The following SPMIP7 variants were observed in gnomAD, a reference collection of about 807,000 sequenced individuals.
SPMIP7 encodes protein SPMIP7.
chr7:50,124,813 T>G, the SPMIP7 span, among the ~76,000 whole-genome samples: 1 of 151,960 alleles, frequency 6.6e-6, no homozygotes, highest in Admixed American at 6.6e-5. Context: ...ATTAAGAAAC[T>G]AGAGGCTGGG....
At chr7:50,135,702 T>C in the SPMIP7 span, among the ~76,000 whole-genome samples, 1 of 152,162 alleles carries the variant, frequency 6.6e-6, no homozygotes, top group East Asian at 1.9e-4. Context: ...TTGGGCCAGA[T>C]GATATTCAAA....
At chr7:50,154,271 A>T in the SPMIP7 span, among the ~76,000 whole-genome samples, 1 of 152,130 alleles carries the variant, frequency 6.6e-6, no homozygotes, top group Admixed American at 6.5e-5. Context: ...CTACTCAGTT[A>T]GCAAAAATCC....
chr7:50,103,965 C>T, the SPMIP7 span, among the ~76,000 whole-genome samples: 1 of 152,152 alleles, frequency 6.6e-6, no homozygotes, highest in Non-Finnish European at 1.5e-5. Context: ...TTTAGGACTT[C>T]TAATCTATCA....
chr7:50,099,254 A>G, the SPMIP7 span, among the ~76,000 whole-genome samples: 3 of 152,132 alleles, frequency 2.0e-5, no homozygotes, highest in Non-Finnish European at 4.4e-5. Flanking sequence ...TGGATGTCCT[A>G]TTCATCATTA....
chr7:50,110,365 C>T, the SPMIP7 span, among the ~76,000 whole-genome samples: 1 of 149,196 alleles, frequency 6.7e-6, no homozygotes, highest in African/African-American at 2.4e-5. Context: ...TAGATTACAA[C>T]AGGAGTTCTT....
chr7:50,106,776 A>G, the SPMIP7 span, among the ~76,000 whole-genome samples: 1 of 152,158 alleles, frequency 6.6e-6, no homozygotes, highest in Non-Finnish European at 1.5e-5. Context: ...CAATTTTTGT[A>G]AAAAAATTAT....
chr7:50,135,460 C>G, the SPMIP7 span, among the ~76,000 whole-genome samples: 2 of 151,988 alleles, frequency 1.3e-5, no homozygotes, highest in Admixed American at 1.3e-4. Context: ...ATTTATTCAG[C>G]TTTTACAGAG....
the SPMIP7 span, among the ~76,000 whole-genome samples, chr7:50,124,086 G>A: frequency 6.6e-6 from 1 of 152,078 alleles, no homozygotes; most frequent in Admixed American, 6.6e-5. Flanking sequence ...GGCTGTAGTG[G>A]CTATTTTGAG....
the SPMIP7 span, among the ~76,000 whole-genome samples, chr7:50,128,248 C>T: frequency 0.52 from 79,011 of 151,672 alleles, 21,539 homozygotes; most frequent in East Asian, 0.73. Flanking sequence ...CACTGATATA[C>T]GAAAGCTAAA....
chr7:50,106,873 G>A, the SPMIP7 span, among the ~76,000 whole-genome samples: 2 of 152,196 alleles, frequency 1.3e-5, no homozygotes, highest in African/African-American at 4.8e-5. Flanking sequence ...GGAGGCCAAG[G>A]CAGGATCACT....
the SPMIP7 span, among the ~76,000 whole-genome samples, chr7:50,156,193 C>A: frequency 6.6e-6 from 1 of 152,294 alleles, no homozygotes; most frequent in Non-Finnish European, 1.5e-5. Context: ...GAAAATTGGG[C>A]CTTCCAGGCT....
chr7:50,103,710 A>G, the SPMIP7 span, among the ~76,000 whole-genome samples: 1 of 152,140 alleles, frequency 6.6e-6, no homozygotes, highest in Non-Finnish European at 1.5e-5. Context: ...GATGTCCCTA[A>G]GCCCTGACAA....
the SPMIP7 span, among the ~76,000 whole-genome samples, chr7:50,156,921 C>A: frequency 8.5e-5 from 13 of 152,146 alleles, no homozygotes; most frequent in African/African-American, 3.1e-4. Context: ...AACAGCTAAT[C>A]TCCCGTGCCT....
At chr7:50,158,015 C>T in the SPMIP7 span, among the ~76,000 whole-genome samples, 1 of 152,220 alleles carries the variant, frequency 6.6e-6, no homozygotes, top group African/African-American at 2.4e-5. Context: ...GAACAGTCAA[C>T]TTAAATACAC....
At chr7:50,096,292 T>TTATCCCCC in the SPMIP7 span, 1 of 1,551,890 alleles carries the variant, frequency 6.4e-7, no homozygotes, top group Non-Finnish European at 8.7e-7. Context: ...AATTTCACCC[T>TTATCCCCC]TATCCCCCTT....
chr7:50,154,954 T>C, the SPMIP7 span, among the ~76,000 whole-genome samples: 1 of 152,240 alleles, frequency 6.6e-6, no homozygotes, highest in Admixed American at 6.5e-5. Flanking sequence ...TGTTAAGCAT[T>C]CTTTCATACA....
At chr7:50,116,512 T>G in the SPMIP7 span, among the ~76,000 whole-genome samples, 31 of 152,244 alleles carry the variant, frequency 2.0e-4, no homozygotes, top group Non-Finnish European at 4.4e-5. Flanking sequence ...TATCAAAAAC[T>G]ATTCACTGTT....
At chr7:50,141,811 A>G in the SPMIP7 span, 1 of 140,516 alleles carries the variant, frequency 7.1e-6, no homozygotes, top group Admixed American at 8.3e-5. Flanking sequence ...CTCACTGCAG[A>G]CACCGCCTCC....
At chr7:50,117,998 C>G in the SPMIP7 span, among the ~76,000 whole-genome samples, 1 of 152,280 alleles carries the variant, frequency 6.6e-6, no homozygotes, top group African/African-American at 2.4e-5. Flanking sequence ...AAAACTAAAC[C>G]TGAGTATCAA....
Sources: allele counts gnomAD v4.1 joint callset (sites outside exome capture counted in the v4.1 genomes callset), GRCh38; gene constraint gnomAD v4.1.1; transcripts MANE v1.5; gene names NCBI Gene and HGNC (gene_info 2026-07-23, HGNC 2026-07-21).